Variants in TMEM38B observed in about 807,000 individuals in gnomAD.
TMEM38B encodes trimeric intracellular cation channel type B.
A neutral mutation model predicts 28.7 loss-of-function variants in TMEM38B; 24 were observed. That is an observed-to-expected ratio of 0.84 (90% CI 0.61 to 1.18). The LOEUF is 1.18. TMEM38B is among the 50% of genes most tolerant of loss of function. TMEM38B has a pLI of 0.00. For missense variants in TMEM38B, 380 were observed against 350.9 expected, an observed-to-expected ratio of 1.08 and a Z score of -0.66; for synonymous variants, 131 against 127.7, an observed-to-expected ratio of 1.03 and a Z score of -0.17.
intron 4 of TMEM38B, 119 bp from the exon 5 acceptor site, chr9:105,747,954 A>G (rs1588451372): frequency 3.0e-6 from 2 of 660,494 alleles, no homozygotes; most frequent in East Asian, 5.4e-5. Context: ...AACAAAACTC[A>G]TTTTTGCATT....
chr9:105,758,042 T>G, intron 5 of TMEM38B: 1 of 260,824 alleles, frequency 3.8e-6, no homozygotes, highest in Non-Finnish European at 7.4e-6. Flanking sequence ...AAAAATTCTT[T>G]AGCAGATGCT....
rs7043917 is a variant in TMEM38B at position 105,728,120 on chromosome 9, T to C, written c.542+5499T>C. On this transcript the variant is annotated intron_variant, in intron 4 of 5. Transcript: ENST00000374692. The stretch of plus-strand genomic sequence containing the variant: ...AAATCATTATTATTATACTTTAAGT[T>C]CTAGGGTACATGTGTACAACGTGCA... 7.9e-3 allele frequency among the ~76,000 whole-genome samples: 1,206 copies of C among 152,284 alleles called. 9 individuals are homozygous for C. Among genetic ancestry groups the C allele is most frequent in the African/African-American group, 0.027 (1,125 of 41,566 alleles).
chr9:105,720,024 G>A (rs1001050458), intron 2 of TMEM38B, among the ~76,000 whole-genome samples: 6 of 151,948 alleles, frequency 3.9e-5, no homozygotes, highest in African/African-American at 1.4e-4. Flanking sequence ...AATTTTCTAT[G>A]AATGTGTAAA....
chr9:105,753,091 T>C (rs1183521839), intron 5 of TMEM38B, among the ~76,000 whole-genome samples: 1 of 151,946 alleles, frequency 6.6e-6, no homozygotes, highest in Non-Finnish European at 1.5e-5. Flanking sequence ...ACTATCTTTC[T>C]GAAATAAGAC....
At chr9:105,715,407 G>A (rs1004047483) in intron 2 of TMEM38B, among the ~76,000 whole-genome samples, 2 of 151,690 alleles carry the variant, frequency 1.3e-5, no homozygotes, top group African/African-American at 4.8e-5. Context: ...GTTGTTGTGC[G>A]ACAGTATTCT....
intron 4 of TMEM38B, among the ~76,000 whole-genome samples, chr9:105,734,865 CTTTTTTT>C (rs35839234): frequency 7.4e-6 from 1 of 135,104 alleles, no homozygotes; most frequent in Non-Finnish European, 1.6e-5. Context: ...GTAGTTGGAT[CTTTTTTT>C]TTTTTTTTGT....
chr9:105,734,447 AT>A (rs1231404932), intron 4 of TMEM38B, among the ~76,000 whole-genome samples: 14 of 152,102 alleles, frequency 9.2e-5, no homozygotes, highest in African/African-American at 3.1e-4. Context: ...GTAGATGTTT[AT>A]TAAGTCCATT....
intron 4 of TMEM38B, among the ~76,000 whole-genome samples, chr9:105,736,145 T>C (rs1281638844): frequency 2.6e-5 from 4 of 151,976 alleles, no homozygotes; most frequent in Non-Finnish European, 5.9e-5. Flanking sequence ...TCATTTTGGC[T>C]TTCCAGAGTG....
chr9:105,714,943 A>G (rs1440925843), intron 2 of TMEM38B, among the ~76,000 whole-genome samples: 1 of 152,350 alleles, frequency 6.6e-6, no homozygotes, highest in East Asian at 1.9e-4. Flanking sequence ...AAAATAACTC[A>G]TGACTTTATA....
chr9:105,730,208 G>T (rs1836680517), intron 4 of TMEM38B, among the ~76,000 whole-genome samples: 1 of 152,182 alleles, frequency 6.6e-6, no homozygotes, highest in African/African-American at 2.4e-5. Context: ...GATACTGGCT[G>T]TGGGTTTGTC....
intron 4 of TMEM38B, among the ~76,000 whole-genome samples, chr9:105,730,035 T>C (rs911460366): frequency 6.6e-6 from 1 of 152,214 alleles, no homozygotes; most frequent in Non-Finnish European, 1.5e-5. Flanking sequence ...AGAGACAATT[T>C]GAATTCCTCT....
intron 1 of TMEM38B, among the ~76,000 whole-genome samples, chr9:105,703,495 C>T (rs1835527188): frequency 6.6e-6 from 1 of 152,212 alleles, no homozygotes; most frequent in South Asian, 2.1e-4. Context: ...GTGAATAATG[C>T]CGCAATAAAC....
chr9:105,758,877 G>T lies in TMEM38B; in HGVS notation c.660+10687G>T. ...TGATAATAGAAAACTAAGCCAGGAA[G>T]ATGTTGAAGAAATTTGGAGATATGT... On this transcript the variant is annotated intron_variant, in intron 5 of 5. Coordinates refer to ENST00000374692, the MANE Select transcript of TMEM38B (RefSeq NM_018112.3). 3 of 1,030,122 alleles carry T rather than the reference G, an allele frequency of 2.9e-6. No individual in the cohort carries two copies. In the South Asian group the frequency reaches 3.8e-5, roughly 13 times the overall value. 63.8% of individuals were successfully genotyped at this position (1,030,122 alleles called of 1,614,324 possible).
At chr9:105,712,341 T>C (rs979660404) in intron 2 of TMEM38B, among the ~76,000 whole-genome samples, 1 of 152,270 alleles carries the variant, frequency 6.6e-6, no homozygotes, top group Non-Finnish European at 1.5e-5. Context: ...AGTTTAGTCA[T>C]GCCTATTCAA....
At chr9:105,712,951 C>T (rs942084354) in intron 2 of TMEM38B, among the ~76,000 whole-genome samples, 13 of 152,240 alleles carry the variant, frequency 8.5e-5, no homozygotes, top group Admixed American at 3.3e-4. Flanking sequence ...AATGTTGCCC[C>T]TGTCCTGGAT....
chr9:105,762,644 A>T (rs1838106214), intron 5 of TMEM38B, among the ~76,000 whole-genome samples: 1 of 127,270 alleles, frequency 7.9e-6, no homozygotes, highest in African/African-American at 3.1e-5. Context: ...CATTTTCTTA[A>T]TCCAGTCTAT....
intron 2 of TMEM38B, among the ~76,000 whole-genome samples, chr9:105,706,820 T>A (rs1466772416): frequency 6.6e-6 from 1 of 152,090 alleles, no homozygotes; most frequent in Non-Finnish European, 1.5e-5. Flanking sequence ...AAAACTTTTT[T>A]TTTTTTCTTT....
At chr9:105,741,996 G>A (rs967159312) in intron 4 of TMEM38B, among the ~76,000 whole-genome samples, 33 of 152,196 alleles carry the variant, frequency 2.2e-4, no homozygotes, top group African/African-American at 7.5e-4. Flanking sequence ...AAGATCTGTG[G>A]AAGACTCTCT....
At chr9:105,741,795 C>G (rs936571936) in intron 4 of TMEM38B, among the ~76,000 whole-genome samples, 11 of 152,254 alleles carry the variant, frequency 7.2e-5, no homozygotes, top group Non-Finnish European at 1.6e-4. Flanking sequence ...CCCTCAAAAC[C>G]AGGACTCAAT....
Sources: allele counts gnomAD v4.1 joint callset (sites outside exome capture counted in the v4.1 genomes callset), GRCh38; gene constraint gnomAD v4.1.1; transcripts MANE v1.5; gene names NCBI Gene and HGNC (gene_info 2026-07-23, HGNC 2026-07-21).